PHF20: variants seen among roughly 807,000 people sequenced by gnomAD.
PHF20 encodes PHD finger protein 20.
PHF20 carries 23 observed loss-of-function variants against 113.5 expected under a neutral mutation model. The observed-to-expected ratio is 0.20, with a 90% CI of 0.15 to 0.29. The LOEUF (loss-of-function observed/expected upper bound fraction) is 0.29. PHF20 is among the 10% of genes least tolerant of loss of function. PHF20 has a pLI of 1.00. For synonymous variants in PHF20, 434 were observed against 457.3 expected (o/e 0.95, Z 0.65); for missense variants, 943 against 1,219.6 (o/e 0.77, Z 3.38).
chr20:35,783,959 T>C (rs1454488656), intron 1 of PHF20, among the ~76,000 whole-genome samples: 1 of 151,106 alleles, frequency 6.6e-6, no homozygotes, highest in African/African-American at 2.4e-5. Flanking sequence ...CACTCTAGCC[T>C]GGGCAACAAG....
intron 1 of PHF20, 78 bp downstream of exon 1, chr20:35,772,157 G>C (rs1243482220): frequency 6.7e-6 from 1 of 149,868 alleles, no homozygotes; most frequent in Non-Finnish European, 1.5e-5. Context: ...CCGTGCGGGC[G>C]GGGACGGCGA....
intron 1 of PHF20, among the ~76,000 whole-genome samples, chr20:35,794,707 C>G (rs1354116109): frequency 6.6e-6 from 1 of 152,086 alleles, no homozygotes; most frequent in East Asian, 1.9e-4. Context: ...ACTCCTGTCC[C>G]AGAGCTGATT....
chr20:35,828,038 T>A (rs1456542559), intron 2 of PHF20, among the ~76,000 whole-genome samples: 2 of 151,768 alleles, frequency 1.3e-5, no homozygotes, highest in Non-Finnish European at 2.9e-5. Context: ...TTTATTTATT[T>A]CTGAGACAGA....
chr20:35,920,291 T>C (rs1365169646), intron 13 of PHF20, among the ~76,000 whole-genome samples: 1 of 152,200 alleles, frequency 6.6e-6, no homozygotes, highest in Non-Finnish European at 1.5e-5. Context: ...TGTTGTTGTG[T>C]GTTTCAGTAG....
chr20:35,872,815 A>G (rs776340853), intron 9 of PHF20, among the ~76,000 whole-genome samples: 11 of 152,206 alleles, frequency 7.2e-5, no homozygotes, highest in Non-Finnish European at 1.2e-4. Flanking sequence ...GGTCCAGCAT[A>G]TGATCTGTCC....
At chr20:35,841,524 C>A (rs1200664106) in intron 2 of PHF20, among the ~76,000 whole-genome samples, 1 of 152,054 alleles carries the variant, frequency 6.6e-6, no homozygotes, top group Non-Finnish European at 1.5e-5. Flanking sequence ...GTAATGCTAG[C>A]ACTTTGGGAG....
intron 15 of PHF20, among the ~76,000 whole-genome samples, chr20:35,938,234 C>T (rs1271049855): frequency 2.0e-5 from 3 of 152,106 alleles, no homozygotes; most frequent in South Asian, 2.1e-4. Flanking sequence ...TATAATGTGG[C>T]TTGTCTGACT....
At chr20:35,814,367 G>A (rs1222004298) in intron 2 of PHF20, among the ~76,000 whole-genome samples, 1 of 151,678 alleles carries the variant, frequency 6.6e-6, no homozygotes, top group Non-Finnish European at 1.5e-5. Flanking sequence ...ACAGGCGCAT[G>A]CCACCATGCC....
chr20:35,773,358 C>T (rs886073543), intron 1 of PHF20, among the ~76,000 whole-genome samples: 2 of 152,110 alleles, frequency 1.3e-5, no homozygotes, highest in African/African-American at 4.8e-5. Flanking sequence ...CTTTTTGGAG[C>T]CACACTCCCC....
intron 2 of PHF20, among the ~76,000 whole-genome samples, chr20:35,804,994 C>T (rs1312282743): frequency 6.6e-6 from 1 of 151,966 alleles, no homozygotes; most frequent in Non-Finnish European, 1.5e-5. Flanking sequence ...CTCCGCCTCC[C>T]AGGTTCAAGC....
chr20:35,844,026 G>C (rs781250429), intron 3 of PHF20, among the ~76,000 whole-genome samples: 1 of 152,104 alleles, frequency 6.6e-6, no homozygotes, highest in East Asian at 1.9e-4. Flanking sequence ...GTTTTAAGCA[G>C]TGAAAGCACA....
At chr20:35,838,394 C>T (rs150342727) in intron 2 of PHF20, 41 of 152,170 alleles carry the variant, frequency 2.7e-4, no homozygotes, top group African/African-American at 8.7e-4. Flanking sequence ...GGAGGCAAAC[C>T]GGGTTACTTG....
intron 2 of PHF20, among the ~76,000 whole-genome samples, chr20:35,829,777 A>T (rs1337409028): frequency 2.0e-5 from 3 of 152,024 alleles, no homozygotes; most frequent in Non-Finnish European, 4.4e-5. Flanking sequence ...GGCATATTGC[A>T]TGAGCCCAGG....
intron 9 of PHF20, among the ~76,000 whole-genome samples, chr20:35,896,091 G>A (rs1435134004): frequency 6.6e-6 from 1 of 151,714 alleles, no homozygotes; most frequent in African/African-American, 2.4e-5. Flanking sequence ...ATGTGTGTGT[G>A]TGTGTGTGTG....
chr20:35,877,106 CAAAAAAAAAA>C (rs760494622), intron 9 of PHF20, among the ~76,000 whole-genome samples: 3 of 32,360 alleles, frequency 9.3e-5, no homozygotes, highest in South Asian at 2.5e-3. Context: ...GACTCTGTCT[CAAAAAAAAAA>C]AAAAAAAAAA....
At chr20:35,926,519 G>A (rs934926551) in intron 13 of PHF20, among the ~76,000 whole-genome samples, 4 of 152,018 alleles carry the variant, frequency 2.6e-5, no homozygotes, top group Non-Finnish European at 2.9e-5. Flanking sequence ...GATTACAAGC[G>A]TGAGCCACCG....
intron 2 of PHF20, among the ~76,000 whole-genome samples, chr20:35,804,572 A>G (rs1271585941): frequency 2.0e-5 from 3 of 151,216 alleles, no homozygotes; most frequent in Non-Finnish European, 4.4e-5. Context: ...GGGTTTCGCC[A>G]TTTTGGCCAG....
chr20:35,787,960 T>TA (rs2146841260), intron 1 of PHF20, among the ~76,000 whole-genome samples: 1 of 151,794 alleles, frequency 6.6e-6, no homozygotes, highest in African/African-American at 2.4e-5. Flanking sequence ...GTGTTTTTAG[T>TA]AGAGTCAGGG....
intron 15 of PHF20, among the ~76,000 whole-genome samples, chr20:35,934,501 C>A (rs898289190): frequency 2.6e-5 from 4 of 152,242 alleles, no homozygotes; most frequent in Non-Finnish European, 4.4e-5. Context: ...TCTTAGGGTT[C>A]CCCTTATCTG....
Sources: gnomAD v4.1 joint callset for allele counts (sites outside exome capture counted in the v4.1 genomes callset) on GRCh38, gnomAD v4.1.1 for gene constraint, MANE v1.5 for transcripts, NCBI Gene and HGNC (gene_info 2026-07-23, HGNC 2026-07-21) for gene names.